COX7B2: variants seen among roughly 807,000 people sequenced by gnomAD.
The protein encoded by COX7B2 is cytochrome c oxidase subunit 7B2, mitochondrial.
For synonymous variants in COX7B2, 37 were observed against 32.1 expected, an observed-to-expected ratio of 1.15 and a Z score of -0.51; for missense variants, 109 against 95.9, an observed-to-expected ratio of 1.14 and a Z score of -0.57.
intron 1 of COX7B2, among the ~76,000 whole-genome samples, chr4:46,853,779 T>C (rs184279855): frequency 1.7e-4 from 26 of 152,224 alleles, no homozygotes; most frequent in South Asian, 2.1e-4. Flanking sequence ...GAAAGAGATA[T>C]ATCCATAGAA....
At chr4:46,791,705 A>T (rs1312653563) in intron 2 of COX7B2, among the ~76,000 whole-genome samples, 1 of 152,206 alleles carries the variant, frequency 6.6e-6, no homozygotes, top group Non-Finnish European at 1.5e-5. Context: ...CCCAGTGTAA[A>T]AAGAACAACA....
chr4:46,745,545 C>T (rs1200184619), intron 2 of COX7B2, among the ~76,000 whole-genome samples: 1 of 152,120 alleles, frequency 6.6e-6, no homozygotes, highest in Non-Finnish European at 1.5e-5. Context: ...TTTACCTATC[C>T]TTTTTTCCCC....
intron 2 of COX7B2, among the ~76,000 whole-genome samples, chr4:46,842,355 A>G (rs1464940528): frequency 6.6e-6 from 1 of 151,968 alleles, no homozygotes; most frequent in Non-Finnish European, 1.5e-5. Flanking sequence ...ATGAATAAGC[A>G]TGATTAAATT....
intron 2 of COX7B2, among the ~76,000 whole-genome samples, chr4:46,742,115 C>G (rs1182625890): frequency 6.6e-6 from 1 of 152,004 alleles, no homozygotes; most frequent in Non-Finnish European, 1.5e-5. Context: ...GTTATAGGGA[C>G]CCCCTGGGAA....
intron 2 of COX7B2, among the ~76,000 whole-genome samples, chr4:46,829,959 G>A (rs1714954445): frequency 6.6e-6 from 1 of 152,132 alleles, no homozygotes; most frequent in Non-Finnish European, 1.5e-5. Flanking sequence ...TAATTAAACG[G>A]AGAAATTGGT....
intron 2 of COX7B2, among the ~76,000 whole-genome samples, chr4:46,758,824 G>C (rs926444484): frequency 6.6e-6 from 1 of 151,998 alleles, no homozygotes; most frequent in East Asian, 1.9e-4. Flanking sequence ...TCAAAGCCTA[G>C]GCCTAAGATA....
intron 2 of COX7B2, among the ~76,000 whole-genome samples, chr4:46,747,505 T>C (rs887100459): frequency 6.6e-6 from 1 of 151,924 alleles, no homozygotes; most frequent in African/African-American, 2.4e-5. Context: ...GGTTTCACCA[T>C]TTTGGTCAGG....
At chr4:46,831,831 T>C (rs1382600186) in intron 2 of COX7B2, among the ~76,000 whole-genome samples, 1 of 152,080 alleles carries the variant, frequency 6.6e-6, no homozygotes, top group Non-Finnish European at 1.5e-5. Flanking sequence ...GTCTAGCTGA[T>C]CTGGTGAGGA....
intron 2 of COX7B2, among the ~76,000 whole-genome samples, chr4:46,740,431 G>C (rs1714635997): frequency 6.6e-6 from 1 of 152,114 alleles, no homozygotes; most frequent in Admixed American, 6.6e-5. Context: ...ATATAATGAA[G>C]ATCAATTCAG....
chr4:46,855,681 A>AT (rs1716969297), intron 1 of COX7B2, among the ~76,000 whole-genome samples: 1 of 152,140 alleles, frequency 6.6e-6, no homozygotes, highest in African/African-American at 2.4e-5. Context: ...GAACTCATAT[A>AT]ATGAAGAGAT....
intron 2 of COX7B2, among the ~76,000 whole-genome samples, chr4:46,797,237 T>A (rs1718410732): frequency 6.6e-6 from 1 of 151,780 alleles, no homozygotes; most frequent in Non-Finnish European, 1.5e-5. Context: ...CCAGAATAAC[T>A]GTACACTGGG....
intron 1 of COX7B2, among the ~76,000 whole-genome samples, chr4:46,885,530 T>A (rs1719035053): frequency 6.6e-6 from 1 of 152,164 alleles, no homozygotes; most frequent in Admixed American, 6.5e-5. Context: ...ACATACCCCA[T>A]TCTATTCAAG....
At chr4:46,780,061 TAAAC>T (rs1717361057) in intron 2 of COX7B2, among the ~76,000 whole-genome samples, 1 of 152,204 alleles carries the variant, frequency 6.6e-6, no homozygotes, top group South Asian at 2.1e-4. Context: ...TTGTATAACT[TAAAC>T]ATATAATAAA....
chr4:46,846,376 TAA>T (rs1464326372), intron 1 of COX7B2, among the ~76,000 whole-genome samples: 2 of 151,172 alleles, frequency 1.3e-5, no homozygotes, highest in African/African-American at 4.9e-5. Context: ...TGTAAGATTA[TAA>T]GTACAGGAAA....
chr4:46,862,755 A>G (rs1298318100), intron 1 of COX7B2, among the ~76,000 whole-genome samples: 3 of 152,220 alleles, frequency 2.0e-5, no homozygotes, highest in Non-Finnish European at 4.4e-5. Context: ...ATGTTTAATC[A>G]GGAAGTAACT....
chr4:46,874,488 T>C (rs552504223), intron 1 of COX7B2, among the ~76,000 whole-genome samples: 5 of 152,340 alleles, frequency 3.3e-5, no homozygotes, highest in Non-Finnish European at 5.9e-5. Flanking sequence ...CTGAAACTTA[T>C]CTGCTCTTCA....
chr4:46,811,340 A>G (rs540248532), intron 2 of COX7B2, among the ~76,000 whole-genome samples: 3 of 151,354 alleles, frequency 2.0e-5, no homozygotes, highest in Admixed American at 1.3e-4. Flanking sequence ...TTTTTTTTTA[A>G]CTATTTTAAT....
chr4:46,846,474 G>C (rs1437115813), intron 1 of COX7B2, among the ~76,000 whole-genome samples: 1 of 151,880 alleles, frequency 6.6e-6, no homozygotes, highest in African/African-American at 2.4e-5. Context: ...GGTGAATAGG[G>C]TAGGACTCAT....
At chr4:46,891,644 T>C (rs1039056956) in intron 1 of COX7B2, among the ~76,000 whole-genome samples, 1 of 152,182 alleles carries the variant, frequency 6.6e-6, no homozygotes, top group Non-Finnish European at 1.5e-5. Context: ...ATACATGTAG[T>C]AGACCAGTGA....
Sources: gnomAD v4.1 joint callset for allele counts (sites outside exome capture counted in the v4.1 genomes callset) on GRCh38, gnomAD v4.1.1 for gene constraint, MANE v1.5 for transcripts, NCBI Gene and HGNC (gene_info 2026-07-23, HGNC 2026-07-21) for gene names.